Variants in BECN1 observed in about 807,000 individuals in gnomAD.
BECN1 encodes the protein beclin 1.
A neutral mutation model predicts 60.1 loss-of-function variants in BECN1; 15 were observed. The ratio of observed to expected loss-of-function variants is 0.25; its 90% CI spans 0.17 to 0.38. The LOEUF is 0.38. BECN1 is among the 10% of genes least tolerant of loss of function. The pLI is 1.00. For synonymous variants in BECN1, 179 were observed against 201.8 expected, an observed-to-expected ratio of 0.89 and a Z score of 0.96; for missense variants, 424 against 548.2, an observed-to-expected ratio of 0.77 and a Z score of 2.26.
intron 3 of BECN1, 107 bp downstream of exon 3, chr17:42,820,667 G>T: frequency 8.7e-7 from 1 of 1,155,144 alleles, no homozygotes; most frequent in Non-Finnish European, 1.3e-6. Flanking sequence ...CTCTAGAAGC[G>T]CCAAGTAGCC....
Position 42,818,386 on chromosome 17 carries a change from T to C in BECN1, c.518A>G (p.Asn173Ser), listed in dbSNP as rs1242264281. 1 of 1,614,218 alleles carries C rather than the reference T, an allele frequency of 6.2e-7. No individual in the cohort carries two copies. Among genetic ancestry groups the C allele is most frequent in the South Asian group, 1.1e-5 (1 of 91,080 alleles). ...CTGTAACTGTTCACTGTCATCCTCA[T>C]TCATTTGCTCTAAGATCTCCAAACA... ...KRCLEILEQM[N>S]EDDSEQLQME... The change falls in exon 7 of 12, where the codon AAT (asparagine) becomes AGT (serine). Residue 173 changes from asparagine to serine, a missense_variant. Coordinates refer to ENST00000590099, the MANE Select transcript of BECN1 (RefSeq NM_001313998.2).
intron 4 of BECN1, chr17:42,819,121 A>C: frequency 1.8e-6 from 1 of 541,876 alleles, no homozygotes; most frequent in Non-Finnish European, 3.2e-6. Context: ...GGAGCATAAA[A>C]AATTCATATG....
In BECN1 at chr17:42,813,952, G is replaced by T. The variant is rs760348987; in HGVS notation, c.1037C>A (p.Ser346Tyr). 1.9e-6 allele frequency: 3 copies of T among 1,595,032 alleles called. No homozygotes were observed. The highest frequency in any genetic ancestry group is 3.4e-5 in the Admixed American group (2 of 58,378). ...HSYLESLTDK[S>Y]KELPLYCSGG... ...AAATGGAGCTTCACAGAGTACCTTA[G>T]ATTTGTCTGTCAGAGACTCCAGATA... Residue 346 changes from serine to tyrosine, a missense_variant, in exon 10 of 12, where the codon TCT becomes TAT. Physicochemically the swap from Ser to Tyr is moderately radical, Grantham distance 144. This residue lies in a region of BECN1 where 326 missense variants were observed against 406.2 expected (regional missense o/e 0.80). Coordinates refer to ENST00000590099, the MANE Select transcript of BECN1 (RefSeq NM_001313998.2).
chr17:42,818,192 T>C, intron 7 of BECN1, 29 bp downstream of exon 7: 1 of 1,607,184 alleles, frequency 6.2e-7, no homozygotes, highest in East Asian at 2.2e-5. Flanking sequence ...GCCTCGAGTG[T>C]GAGAAGATAG....
rs2055325606 is a variant in BECN1, at chr17:42,823,779, G to C, written c.99C>G (p.Ile33Met). ...GTTCCTGGATGGTGACACGGTCCAG[G>C]ATCTTGAAACTCGTGTCCAGTTTCA... ...QPLKLDTSFK[I>M]LDRVTIQELT... is the part of the protein sequence containing the mutation. The change falls in exon 2 of 12, where the codon ATC becomes ATG. Residue 33 changes from isoleucine (I) to methionine (M), a missense_variant. By Grantham distance (10) the Ile-to-Met change is conservative. Transcript: ENST00000590099. 1 of 1,613,964 alleles carries C rather than the reference G, an allele frequency of 6.2e-7. No individual in the cohort carries two copies. Among genetic ancestry groups the C allele is most frequent in the Admixed American group, 1.7e-5 (1 of 59,992 alleles).
At chr17:42,817,448 G>A (rs1254683388) in intron 7 of BECN1, among the ~76,000 whole-genome samples, 1 of 152,162 alleles carries the variant, frequency 6.6e-6, no homozygotes, top group Non-Finnish European at 1.5e-5. Context: ...GAAAAAAATG[G>A]ACTTTTCTCT....
intron 2 of BECN1, among the ~76,000 whole-genome samples, chr17:42,821,886 T>C (rs1386671831): frequency 6.6e-6 from 1 of 152,160 alleles, no homozygotes; most frequent in Non-Finnish European, 1.5e-5. Flanking sequence ...GTCTCAAATT[T>C]TCCATAATAA....
At chr17:42,816,680 C>T (rs2055153909) in intron 7 of BECN1, among the ~76,000 whole-genome samples, 1 of 146,066 alleles carries the variant, frequency 6.8e-6, no homozygotes, top group African/African-American at 2.5e-5. Flanking sequence ...GTGGCTTCTG[C>T]TTCTTCTGGG....
rs1597929574 is a variant in BECN1 at position 42,814,240 on chromosome 17, G to T, written c.981-232C>A. 3.2e-5 allele frequency: 18 copies of T among 559,596 alleles called. No individual in the cohort carries two copies. The East Asian group carries it at 5.4e-4, about 17-fold the overall frequency. The allele number at this position is 559,596 out of a possible 1,614,324, so 34.7% of individuals were successfully genotyped here. On this transcript the variant is annotated intron_variant, in intron 9 of 11. Coordinates refer to ENST00000590099, the MANE Select transcript of BECN1 (RefSeq NM_001313998.2). Reference sequence around the variant, plus strand: ...CTTCCATGAACAAATGTTATGTTTTGGTTTAAATTTAAGAAACAAAAACTG... The same window carrying T: ...CTTCCATGAACAAATGTTATGTTTTTGTTTAAATTTAAGAAACAAAAACTG...
chr17:42,815,219 C>T lies in BECN1; in HGVS notation c.831-546G>A, dbSNP rs1422681785. Among the ~76,000 whole-genome samples the T allele has an allele frequency of 5.3e-5, 8 of 150,622 alleles. No individual in the cohort carries two copies. In the East Asian group the frequency reaches 9.7e-4, roughly 18 times the overall value. ...ACTGGTAACTCTCCAGTTTCATATC[C>T]GGCCACTCTCCCCTTTACACTCAAT... On this transcript the variant is annotated intron_variant, in intron 8 of 11. Transcript: ENST00000590099.
At chr17:42,822,461 C>A (rs1303376615) in intron 2 of BECN1, among the ~76,000 whole-genome samples, 1 of 152,202 alleles carries the variant, frequency 6.6e-6, no homozygotes, top group Non-Finnish European at 1.5e-5. Flanking sequence ...TAAACCCAAG[C>A]AGGCTGACTC....
In BECN1 at chr17:42,813,137, C is replaced by G. The variant is rs888622195; in HGVS notation, c.1041+811G>C. On this transcript the variant is annotated intron_variant, in intron 10 of 11. Transcript: ENST00000590099. Reference sequence around the variant, plus strand: ...GGGATTACAGGCGTGAGCCACTGCACCCGGCCCTTTGCTTTCTGATGATTC... The same window carrying G: ...GGGATTACAGGCGTGAGCCACTGCAGCCGGCCCTTTGCTTTCTGATGATTC... Among the ~76,000 whole-genome samples, 9 of 151,738 alleles carry G rather than the reference C, an allele frequency of 5.9e-5. No homozygotes were observed. In the South Asian group the frequency reaches 1.0e-3, roughly 18 times the overall value.
intron 2 of BECN1, among the ~76,000 whole-genome samples, chr17:42,821,055 T>C (rs1196713655): frequency 1.3e-5 from 2 of 148,636 alleles, no homozygotes; most frequent in Non-Finnish European, 2.9e-5. Flanking sequence ...ATGGTATCAT[T>C]ATTATTATTA....
chr17:42,823,760 G>C lies in BECN1; in HGVS notation c.118C>G (p.Gln40Glu). The change falls in exon 2 of 12, where the codon CAG becomes GAG. Residue 40 changes from glutamine (Q) to glutamate (E), a missense_variant. Physicochemically the swap from Gln to Glu is conservative, Grantham distance 29 (BLOSUM62 2). Around this residue, in one of 3 missense-constraint regions of BECN1, gnomAD observed 96 missense variants for 125.6 expected, o/e 0.76. Transcript: ENST00000590099. ...GGGTCTCGCTGACCTGTGAGTTCCT[G>C]GATGGTGACACGGTCCAGGATCTTG... ...SFKILDRVTI[Q>E]ELTAPLLTTA... 1 of 1,613,956 alleles carries C rather than the reference G, an allele frequency of 6.2e-7. No individual in the cohort carries two copies. Among genetic ancestry groups the C allele is most frequent in the Non-Finnish European group, 8.5e-7 (1 of 1,179,902 alleles).
chr17:42,821,307 A>G (rs2055259580), intron 2 of BECN1, among the ~76,000 whole-genome samples: 1 of 152,162 alleles, frequency 6.6e-6, no homozygotes, highest in African/African-American at 2.4e-5. Context: ...CACCCGTCTC[A>G]GCTACCCAAA....
chr17:42,821,954 C>A (rs1438183355), intron 2 of BECN1, among the ~76,000 whole-genome samples: 2 of 152,188 alleles, frequency 1.3e-5, no homozygotes, highest in African/African-American at 4.8e-5. Context: ...CGCCTGTAGT[C>A]CCAGCACTTT....
At position 42,818,238 on chromosome 17, in the gene BECN1, C is replaced by T; in HGVS notation, c.666G>A (p.Leu222=). 1 of 1,614,100 alleles carries T rather than the reference C, an allele frequency of 6.2e-7. No homozygotes were observed. The highest frequency in any genetic ancestry group is 8.5e-7 in the Non-Finnish European group (1 of 1,179,996). ...GCACTCACTGAGCTTCCTCCTGATC[C>T]AGTCTCTCAGCCTCAGCCTGGACCT... ...LEKVQAEAER[L]DQEEAQYQRE... The change falls in exon 7 of 12, where the codon CTG becomes CTA. Residue 222 remains leucine (L), a synonymous_variant. Coordinates refer to ENST00000590099, the MANE Select transcript of BECN1 (RefSeq NM_001313998.2).
Position 42,811,660 on chromosome 17 carries a change from G to C in BECN1, c.1179C>G (p.Pro393=). The C allele has an allele frequency of 6.2e-7, 1 of 1,613,912 alleles. No individual in the cohort carries two copies. The highest frequency in any genetic ancestry group is 8.5e-7 in the Non-Finnish European group (1 of 1,179,898). Residue 393 remains proline, a synonymous_variant, in exon 11 of 12, where the codon CCC becomes CCG. Coordinates refer to ENST00000590099, the MANE Select transcript of BECN1 (RefSeq NM_001313998.2). The part of the protein sequence containing the change: ...VEKGETRFCL[P]YRMDVEKGKI... ...CAGCATTGCGCTATACTGACCTGTA[G>C]GGAAGACAAAAACGTGTCTCGCCTT...
At chr17:42,819,746 T>C in intron 3 of BECN1, 137 bp from the exon 4 acceptor site, 1 of 838,960 alleles carries the variant, frequency 1.2e-6, no homozygotes, top group Non-Finnish European at 1.9e-6. Context: ...AAAAAATGGG[T>C]ATTATCGAAG....
Sources: allele counts gnomAD v4.1 joint callset (sites outside exome capture counted in the v4.1 genomes callset), GRCh38; gene constraint gnomAD v4.1.1; regional missense constraint gnomAD v4.1.1; transcripts MANE v1.5; gene names NCBI Gene and HGNC (gene_info 2026-07-23, HGNC 2026-07-21).